The following ANGPT1 variants were observed in gnomAD, a reference collection of about 807,000 sequenced individuals.
ANGPT1 encodes the protein angiopoietin-1.
Under a neutral mutation model 62.2 loss-of-function variants are expected in ANGPT1, and 17 were observed. That is an observed-to-expected ratio of 0.27 (90% CI 0.19 to 0.41). The LOEUF (loss-of-function observed/expected upper bound fraction) is 0.41, where lower values mean the gene tolerates loss of function less well. ANGPT1 is among the 10% of genes least tolerant of loss of function. The probability of loss-of-function intolerance (pLI) is 1.00; values close to 1 mark genes in which losing one functional copy is unlikely to be tolerated. For missense variants in ANGPT1, 478 were observed against 594.9 expected (o/e 0.80, Z 2.04); for synonymous variants, 199 against 198.9 (o/e 1.00, Z 0.00).
At chr8:107,488,569 T>C (rs1187908277) in intron 1 of ANGPT1, among the ~76,000 whole-genome samples, 1 of 152,226 alleles carries the variant, frequency 6.6e-6, no homozygotes, top group African/African-American at 2.4e-5. Flanking sequence ...ATATTGTCTT[T>C]ATTATTGACA....
rs544057312 is a variant in ANGPT1, at chr8:107,269,314, A to T, written c.1206-4963T>A. Among the ~76,000 whole-genome samples, 586 of 144,210 alleles carry T rather than the reference A, an allele frequency of 4.1e-3. 1 individual carries two copies. Among genetic ancestry groups the T allele is most frequent in the Non-Finnish European group, 7.3e-3 (477 of 65,756 alleles). The allele number at this position is 144,210 out of a possible 152,430, so 94.6% of individuals were successfully genotyped here. A position where few individuals can be genotyped will look rare whatever the true frequency, so the allele number is the denominator to read the frequency against. On this transcript the variant is annotated intron_variant, in intron 7 of 8. Coordinates refer to ENST00000517746, the MANE Select transcript of ANGPT1 (RefSeq NM_001146.5). ...GCCAAGTATTTCTGTAATTAGATTTAAAAAAAAAAAACTTCTTTGAGTTGA... is the reference window on the plus strand; with the variant it reads ...GCCAAGTATTTCTGTAATTAGATTTTAAAAAAAAAAACTTCTTTGAGTTGA...
intron 1 of ANGPT1, among the ~76,000 whole-genome samples, chr8:107,381,445 A>C (rs1465482015): frequency 6.6e-6 from 1 of 152,312 alleles, no homozygotes; most frequent in East Asian, 1.9e-4. Flanking sequence ...CCCCTGCTTC[A>C]TAGCTTGGAG....
Position 107,457,117 on chromosome 8 carries a change from TA to T in ANGPT1, c.297+40144del, listed in dbSNP as rs540932259. On this transcript the variant is annotated intron_variant, in intron 1 of 8. Coordinates refer to ENST00000517746, the MANE Select transcript of ANGPT1 (RefSeq NM_001146.5). Reference sequence around the variant, plus strand: ...ATCATAACTCTACTAGTATGAAGAATAAAAATTCTACACAATATTTATGACA... The same window carrying T: ...ATCATAACTCTACTAGTATGAAGAATAAAATTCTACACAATATTTATGACA... Among the ~76,000 whole-genome samples, 20 of 152,160 alleles carry T rather than the reference TA, an allele frequency of 1.3e-4. No homozygotes were observed. In the East Asian group the frequency reaches 3.9e-3, roughly 29 times the overall value.
intron 1 of ANGPT1, among the ~76,000 whole-genome samples, chr8:107,491,370 A>T (rs1252859309): frequency 2.6e-5 from 4 of 152,182 alleles, no homozygotes; most frequent in Admixed American, 2.6e-4. Flanking sequence ...GTAGGCGGAG[A>T]TAGAATAAAT....
At chr8:107,435,779 G>T (rs1811317215) in intron 1 of ANGPT1, among the ~76,000 whole-genome samples, 1 of 152,230 alleles carries the variant, frequency 6.6e-6, no homozygotes, top group African/African-American at 2.4e-5. Context: ...ATGACGATAG[G>T]CACTGGAGAT....
chr8:107,254,082 T>C lies in ANGPT1; in HGVS notation c.1337-2067A>G, dbSNP rs543375405. 1.2e-4 allele frequency among the ~76,000 whole-genome samples: 18 copies of C among 152,210 alleles called. No individual in the cohort carries two copies. In the South Asian group the frequency reaches 3.3e-3, roughly 28 times the overall value. On this transcript the variant is annotated intron_variant, in intron 8 of 8. Coordinates refer to ENST00000517746, the MANE Select transcript of ANGPT1 (RefSeq NM_001146.5). The stretch of plus-strand genomic sequence containing the variant: ...ATATTGGCCCATCTCCTGTACTTAG[T>C]AGGACACCTAACGAAGTTTGCTTCC...
chr8:107,393,063 C>T (rs1471380965), intron 1 of ANGPT1, among the ~76,000 whole-genome samples: 1 of 152,078 alleles, frequency 6.6e-6, no homozygotes, highest in Non-Finnish European at 1.5e-5. Context: ...GTTATGCATT[C>T]TGTAGAGTAA....
intron 1 of ANGPT1, among the ~76,000 whole-genome samples, chr8:107,404,313 T>C (rs1370730400): frequency 1.3e-5 from 2 of 152,104 alleles, no homozygotes; most frequent in Non-Finnish European, 1.5e-5. Flanking sequence ...TCAAACACCA[T>C]AGAAGAATAA....
At chr8:107,357,828 C>G (rs139211445) in intron 1 of ANGPT1, among the ~76,000 whole-genome samples, 24 of 152,234 alleles carry the variant, frequency 1.6e-4, no homozygotes, top group Non-Finnish European at 1.0e-4. Context: ...AAATTGTCAT[C>G]ATTTTACTCT....
At chr8:107,318,514 T>C (rs1393598506) in intron 4 of ANGPT1, among the ~76,000 whole-genome samples, 1 of 152,210 alleles carries the variant, frequency 6.6e-6, no homozygotes, top group African/African-American at 2.4e-5. Context: ...TAATGCATTA[T>C]AGGCATTTTA....
chr8:107,472,434 T>C (rs1208410168), intron 1 of ANGPT1, among the ~76,000 whole-genome samples: 1 of 152,114 alleles, frequency 6.6e-6, no homozygotes, highest in Non-Finnish European at 1.5e-5. Flanking sequence ...TAGGAGGTTT[T>C]TTCACTGTAT....
At chr8:107,423,854 T>TTC (rs1810965210) in intron 1 of ANGPT1, among the ~76,000 whole-genome samples, 1 of 106,444 alleles carries the variant, frequency 9.4e-6, no homozygotes, top group East Asian at 4.1e-4. Context: ...TTTTTTTTTT[T>TTC]TTCTGAGACA....
At chr8:107,338,977 C>A (rs894493528) in intron 2 of ANGPT1, among the ~76,000 whole-genome samples, 3 of 152,176 alleles carry the variant, frequency 2.0e-5, no homozygotes, top group Non-Finnish European at 4.4e-5. Context: ...TAAATGAAAT[C>A]TATTTTCTTT....
At chr8:107,482,918 T>C (rs886568829) in intron 1 of ANGPT1, among the ~76,000 whole-genome samples, 1 of 152,194 alleles carries the variant, frequency 6.6e-6, no homozygotes, top group Admixed American at 6.5e-5. Context: ...AAATGCCCAG[T>C]AATCAGAGGA....
intron 1 of ANGPT1, among the ~76,000 whole-genome samples, chr8:107,352,383 A>G (rs1381022090): frequency 6.6e-6 from 1 of 152,190 alleles, no homozygotes; most frequent in African/African-American, 2.4e-5. Flanking sequence ...AGAAGGTAAT[A>G]TAATCAGCCA....
At chr8:107,315,920 C>A (rs1815003204) in intron 4 of ANGPT1, among the ~76,000 whole-genome samples, 1 of 152,150 alleles carries the variant, frequency 6.6e-6, no homozygotes, top group African/African-American at 2.4e-5. Context: ...CCTCTGAGGA[C>A]AAATCATTGT....
intron 1 of ANGPT1, among the ~76,000 whole-genome samples, chr8:107,487,518 A>T (rs1586364251): frequency 6.6e-6 from 1 of 151,824 alleles, no homozygotes; most frequent in Non-Finnish European, 1.5e-5. Context: ...CACCATCAGT[A>T]TATTAAGCGG....
intron 7 of ANGPT1, among the ~76,000 whole-genome samples, chr8:107,283,150 A>G (rs756671900): frequency 3.3e-5 from 5 of 152,186 alleles, no homozygotes; most frequent in Non-Finnish European, 5.9e-5. Context: ...GACATTAGCC[A>G]AGTTTCATAT....
intron 3 of ANGPT1, among the ~76,000 whole-genome samples, chr8:107,323,850 A>C (rs1045428639): frequency 1.4e-4 from 21 of 151,412 alleles, no homozygotes. Flanking sequence ...CTCAATCTCT[A>C]CTCACTGCAA....
Sources: allele counts gnomAD v4.1 joint callset (sites outside exome capture counted in the v4.1 genomes callset), GRCh38; gene constraint gnomAD v4.1.1; transcripts MANE v1.5; gene names NCBI Gene and HGNC (gene_info 2026-07-23, HGNC 2026-07-21).